Variants in WWOX observed in about 807,000 individuals in gnomAD.
The protein encoded by WWOX is WW domain-containing oxidoreductase.
WWOX carries 69 observed loss-of-function variants against 46.2 expected under a neutral mutation model. That is an observed-to-expected ratio of 1.49 (90% CI 1.23 to 1.82). The LOEUF is 1.82. Ranked by LOEUF, WWOX falls within the 40% of genes most tolerant of loss-of-function variation. The probability of loss-of-function intolerance (pLI) is 0.00; values close to 1 mark genes in which losing one functional copy is unlikely to be tolerated. For missense variants in WWOX, 919 were observed against 542.6 expected (o/e 1.69, Z -6.89); for synonymous variants, 359 against 202.6 (o/e 1.77, Z -6.56).
chr16:78,857,048 A>T (rs2151186667), intron 8 of WWOX, among the ~76,000 whole-genome samples: 1 of 152,352 alleles, frequency 6.6e-6, no homozygotes, highest in East Asian at 1.9e-4. Flanking sequence ...TACAGTTAAA[A>T]TATGGTATTA....
At chr16:78,309,964 G>A (rs1452191017) in intron 5 of WWOX, among the ~76,000 whole-genome samples, 1 of 152,254 alleles carries the variant, frequency 6.6e-6, no homozygotes, top group East Asian at 1.9e-4. Context: ...CGTGAAGTTC[G>A]TAGAGCCAGG....
At chr16:78,578,756 A>C (rs1159356732) in intron 8 of WWOX, among the ~76,000 whole-genome samples, 3 of 152,206 alleles carry the variant, frequency 2.0e-5, no homozygotes, top group African/African-American at 7.2e-5. Context: ...ATGGAAATGA[A>C]TACAACCGCA....
chr16:78,693,710 C>G (rs1051801584), intron 8 of WWOX, among the ~76,000 whole-genome samples: 1 of 152,066 alleles, frequency 6.6e-6, no homozygotes, highest in Non-Finnish European at 1.5e-5. Context: ...ACTAATCGCC[C>G]TCTATTGCAC....
At chr16:78,191,957 A>C (rs2035896072) in intron 5 of WWOX, among the ~76,000 whole-genome samples, 1 of 152,166 alleles carries the variant, frequency 6.6e-6, no homozygotes, top group Non-Finnish European at 1.5e-5. Context: ...AAATTGGATG[A>C]GGCACTACCT....
chr16:78,517,250 T>C (rs1424534959), intron 8 of WWOX, among the ~76,000 whole-genome samples: 2 of 152,160 alleles, frequency 1.3e-5, no homozygotes, highest in Non-Finnish European at 2.9e-5. Flanking sequence ...AAACAAAATA[T>C]TTGTCAGATG....
intron 8 of WWOX, among the ~76,000 whole-genome samples, chr16:78,635,013 T>G (rs1206954505): frequency 6.6e-6 from 1 of 152,144 alleles, no homozygotes; most frequent in Non-Finnish European, 1.5e-5. Context: ...TGCTTTCGTT[T>G]GGGATTCCTC....
At chr16:78,481,560 T>C (rs1463738697) in intron 8 of WWOX, among the ~76,000 whole-genome samples, 1 of 151,848 alleles carries the variant, frequency 6.6e-6, no homozygotes, top group Non-Finnish European at 1.5e-5. Flanking sequence ...CCCCTTAATT[T>C]AAAGGGATTT....
At chr16:78,554,982 G>C (rs1448026256) in intron 8 of WWOX, among the ~76,000 whole-genome samples, 1 of 152,078 alleles carries the variant, frequency 6.6e-6, no homozygotes, top group Non-Finnish European at 1.5e-5. Context: ...AAGAAAAGGG[G>C]CCCGGATAAA....
chr16:78,109,870 T>C (rs2032387830), intron 3 of WWOX, 35 bp downstream of exon 3: 2 of 1,613,146 alleles, frequency 1.2e-6, no homozygotes, highest in Non-Finnish European at 1.7e-6. Flanking sequence ...CTCAGCTGTT[T>C]TGCTTTTTAA....
At chr16:78,818,263 G>T (rs548980413) in intron 8 of WWOX, among the ~76,000 whole-genome samples, 1 of 152,318 alleles carries the variant, frequency 6.6e-6, no homozygotes, top group South Asian at 2.1e-4. Context: ...CTGCACATCA[G>T]AGCCCATCTA....
intron 8 of WWOX, among the ~76,000 whole-genome samples, chr16:78,870,504 T>TA (rs375392174): frequency 0.035 from 5,147 of 149,046 alleles, 100 homozygotes; most frequent in Middle Eastern, 0.059. Flanking sequence ...TGTGTCAGAT[T>TA]AAAAAAAAAA....
At chr16:79,007,069 A>G (rs887735368) in intron 8 of WWOX, among the ~76,000 whole-genome samples, 1 of 152,162 alleles carries the variant, frequency 6.6e-6, no homozygotes, top group Admixed American at 6.5e-5. Flanking sequence ...TTCCACAGGC[A>G]CTTTGTCACA....
intron 8 of WWOX, among the ~76,000 whole-genome samples, chr16:79,188,857 G>A (rs1310495063): frequency 6.6e-6 from 1 of 152,186 alleles, no homozygotes; most frequent in African/African-American, 2.4e-5. Context: ...TGGCGCCAAG[G>A]TAAGCTGAAG....
chr16:78,825,618 G>A (rs1597677140), intron 8 of WWOX: 1 of 522,838 alleles, frequency 1.9e-6, no homozygotes. Context: ...AGGGCTTACT[G>A]TGCGGAGGGC....
intron 5 of WWOX, chr16:78,179,610 A>G (rs2035464639): frequency 6.6e-6 from 1 of 152,252 alleles, no homozygotes; most frequent in Non-Finnish European, 1.5e-5. Context: ...AGTAGTAGCT[A>G]GCATTGTTTT....
intron 8 of WWOX, chr16:78,551,678 G>A (rs1259268959): frequency 7.3e-6 from 1 of 137,666 alleles, no homozygotes; most frequent in African/African-American, 2.7e-5. Flanking sequence ...CCGTTTCTCA[G>A]ATCACACAGG....
chr16:78,314,387 C>A (rs146839776), intron 5 of WWOX, among the ~76,000 whole-genome samples: 1 of 44,590 alleles, frequency 2.2e-5, no homozygotes, highest in Non-Finnish European at 4.1e-5. Context: ...GCCTGAGCAA[C>A]AGAGTGAGAC....
chr16:78,718,645 C>G (rs969294874), intron 8 of WWOX, among the ~76,000 whole-genome samples: 20 of 151,956 alleles, frequency 1.3e-4, no homozygotes, highest in African/African-American at 4.6e-4. Flanking sequence ...GATTTTGAGG[C>G]TACCCTGAGC....
intron 8 of WWOX, among the ~76,000 whole-genome samples, chr16:78,533,993 C>T (rs570198547): frequency 6.6e-6 from 1 of 151,868 alleles, no homozygotes; most frequent in East Asian, 1.9e-4. Context: ...CTAGTATTTG[C>T]CAAAACTAGA....
Sources: gnomAD v4.1 joint callset for allele counts (sites outside exome capture counted in the v4.1 genomes callset) on GRCh38, gnomAD v4.1.1 for gene constraint, MANE v1.5 for transcripts, NCBI Gene and HGNC (gene_info 2026-07-23, HGNC 2026-07-21) for gene names.